Variants in UBASH3B observed in about 807,000 individuals in gnomAD.
UBASH3B encodes ubiquitin associated and SH3 domain containing B.
A neutral mutation model predicts 83.4 loss-of-function variants in UBASH3B; 37 were observed. The ratio of observed to expected loss-of-function variants is 0.44; its 90% CI spans 0.34 to 0.58. The LOEUF is 0.58. UBASH3B is among the 20% of genes least tolerant of loss of function. The pLI, the probability that UBASH3B is intolerant of heterozygous loss-of-function variation, is 0.01. For synonymous variants in UBASH3B, 304 were observed against 318.3 expected (o/e 0.96, Z 0.48); for missense variants, 657 against 827.2 (o/e 0.79, Z 2.52).
chr11:122,761,006 A>G (rs1277034385), intron 1 of UBASH3B, among the ~76,000 whole-genome samples: 1 of 152,234 alleles, frequency 6.6e-6, no homozygotes, highest in African/African-American at 2.4e-5. Context: ...AATGACCAGC[A>G]GGATGGGTTT....
At position 122,689,975 on chromosome 11, in the gene UBASH3B, A is replaced by T. The variant is rs76876529; in HGVS notation, c.161+33765A>T. Among the ~76,000 whole-genome samples the T allele has an allele frequency of 4.7e-3, 708 of 151,520 alleles. 7 individuals are homozygous for T. Among genetic ancestry groups the T allele is most frequent in the African/African-American group, 0.016 (663 of 41,382 alleles). On this transcript the variant is annotated intron_variant, in intron 1 of 13. Transcript: ENST00000284273. ...GACCCTCCGTGTGGGCAGCCCACCA[A>T]ACCCCGCCTTCTTGGGTTTTCTTGG...
At chr11:122,729,248 G>A (rs933790267) in intron 1 of UBASH3B, among the ~76,000 whole-genome samples, 1 of 152,130 alleles carries the variant, frequency 6.6e-6, no homozygotes, top group African/African-American at 2.4e-5. Context: ...TTTCTCCAGA[G>A]GCCAGAAAGC....
chr11:122,656,628 G>A (rs1436711345), intron 1 of UBASH3B, among the ~76,000 whole-genome samples: 2 of 152,202 alleles, frequency 1.3e-5, no homozygotes, highest in Non-Finnish European at 2.9e-5. Flanking sequence ...GCTGGTCTGG[G>A]ATCCTCCGGT....
At chr11:122,764,297 C>T (rs781121969) in intron 1 of UBASH3B, among the ~76,000 whole-genome samples, 7 of 152,198 alleles carry the variant, frequency 4.6e-5, no homozygotes, top group African/African-American at 1.7e-4. Flanking sequence ...CTATCACTTA[C>T]GGTTGTTTCT....
chr11:122,680,129 C>A (rs2135908255), intron 1 of UBASH3B, among the ~76,000 whole-genome samples: 1 of 152,322 alleles, frequency 6.6e-6, no homozygotes, highest in Middle Eastern at 3.4e-3. Context: ...CCATGCCCAA[C>A]CAATTATTTT....
At position 122,790,811 on chromosome 11, in the gene UBASH3B, C is replaced by T. The variant is rs1214008308; in HGVS notation, c.980+1503C>T. 4.6e-5 allele frequency among the ~76,000 whole-genome samples: 7 copies of T among 151,874 alleles called. No homozygotes were observed. The South Asian group carries it at 1.0e-3, about 23-fold the overall frequency. On this transcript the variant is annotated intron_variant, in intron 6 of 13. Transcript: ENST00000284273. ...AAAATAAAAAAAAAAATCAGCTGGG[C>T]GTGGTGGCATACACCTGTAGTCCCA...
At chr11:122,722,955 T>G (rs1276882413) in intron 1 of UBASH3B, among the ~76,000 whole-genome samples, 1 of 152,180 alleles carries the variant, frequency 6.6e-6, no homozygotes, top group Non-Finnish European at 1.5e-5. Context: ...TCCGCCCATC[T>G]CGGCCTCCCA....
In UBASH3B at chr11:122,690,374, A is replaced by C. The variant is rs1176329455; in HGVS notation, c.161+34164A>C. On this transcript the variant is annotated intron_variant, in intron 1 of 13. Coordinates refer to ENST00000284273, the MANE Select transcript of UBASH3B (RefSeq NM_032873.5). ...TAGAGTTCTTAGCACAGTGCCTTACATATAGTTAGCTCTCCATAAATGGTA... is the reference window on the plus strand; with the variant it reads ...TAGAGTTCTTAGCACAGTGCCTTACCTATAGTTAGCTCTCCATAAATGGTA... Among the ~76,000 whole-genome samples the C allele has an allele frequency of 2.0e-5, 3 of 150,538 alleles. No individual in the cohort carries two copies. The East Asian group carries it at 5.9e-4, about 29-fold the overall frequency.
intron 1 of UBASH3B, among the ~76,000 whole-genome samples, chr11:122,715,672 C>A (rs1349622927): frequency 6.6e-6 from 1 of 152,212 alleles, no homozygotes; most frequent in Non-Finnish European, 1.5e-5. Flanking sequence ...CACATAGACA[C>A]ACACCCCTTT....
intron 3 of UBASH3B, 63 bp downstream of exon 3, chr11:122,777,273 G>A: frequency 1.3e-6 from 2 of 1,521,444 alleles, no homozygotes; most frequent in South Asian, 2.6e-5. Context: ...GGCCCTTTGG[G>A]ACCTGGAGCA....
Position 122,656,082 on chromosome 11 carries a change from C to T in UBASH3B, c.33C>T (p.Gly11=). Residue 11 remains glycine (G), a synonymous_variant, in exon 1 of 14, where the codon GGC becomes GGT. Transcript: ENST00000284273. The part of the protein sequence containing the change: MAQYGHPSPL[G]MAAREELYSK... ...AGTACGGCCACCCCAGTCCGCTCGG[C>T]ATGGCTGCGAGAGAGGAGCTGTACA... The T allele has an allele frequency of 6.2e-7, 1 of 1,601,400 alleles. No individual in the cohort carries two copies. Among genetic ancestry groups the T allele is most frequent in the South Asian group, 1.1e-5 (1 of 89,056 alleles).
At chr11:122,700,579 C>T (rs1275289135) in intron 1 of UBASH3B, among the ~76,000 whole-genome samples, 2 of 146,306 alleles carry the variant, frequency 1.4e-5, no homozygotes, top group African/African-American at 5.0e-5. Flanking sequence ...TCACTGCAAC[C>T]TCCACCTCCC....
At chr11:122,677,297 T>A (rs1435151064) in intron 1 of UBASH3B, among the ~76,000 whole-genome samples, 2 of 152,088 alleles carry the variant, frequency 1.3e-5, no homozygotes, top group Non-Finnish European at 2.9e-5. Context: ...CTGAGGGAGG[T>A]CCTGGAATCA....
intron 1 of UBASH3B, among the ~76,000 whole-genome samples, chr11:122,667,631 C>T (rs1433866778): frequency 6.6e-6 from 1 of 152,118 alleles, no homozygotes; most frequent in Non-Finnish European, 1.5e-5. Flanking sequence ...ACCAATAAGA[C>T]AGGAGCAATA....
At chr11:122,661,878 A>T in intron 1 of UBASH3B, among the ~76,000 whole-genome samples, 1 of 150,322 alleles carries the variant, frequency 6.7e-6, no homozygotes. Context: ...AAAAAACAAA[A>T]AAAAAAATAC....
At chr11:122,723,916 C>T (rs1233330676) in intron 1 of UBASH3B, among the ~76,000 whole-genome samples, 1 of 152,166 alleles carries the variant, frequency 6.6e-6, no homozygotes, top group African/African-American at 2.4e-5. Flanking sequence ...GTAAAAGTAA[C>T]TTGAGAGCAG....
At position 122,794,438 on chromosome 11, in the gene UBASH3B, C is replaced by A. The variant is rs980736541; in HGVS notation, c.981-264C>A. On this transcript the variant is annotated intron_variant, in intron 6 of 13. Transcript: ENST00000284273. ...GCCAGGCTGGTCTCAAACTCCTGAC[C>A]TCAGGTGATCCGCCTGCCTCGGCGT... Among the ~76,000 whole-genome samples, 9 of 152,288 alleles carry A rather than the reference C, an allele frequency of 5.9e-5. No homozygotes were observed. The Middle Eastern group carries it at 0.01, about 173-fold the overall frequency.
At chr11:122,656,261 G>T in intron 1 of UBASH3B, 51 bp downstream of exon 1, 2 of 1,332,820 alleles carry the variant, frequency 1.5e-6, no homozygotes, top group Non-Finnish European at 1.9e-6. Flanking sequence ...GCGCGCGGCC[G>T]GCCCTCGGCT....
chr11:122,794,769 C>T lies in UBASH3B; in HGVS notation c.1048C>T (p.Arg350Trp), dbSNP rs1458210636. ...GTTTGGGGATGGAGTATTGGAGAGG[C>T]GGCCTTATGAGGACCAGGGGCTCGG... is the stretch of plus-strand genomic sequence containing the variant. Reference protein sequence around the residue: ...LTFGDGVLERRPYEDQGLGET... With the variant: ...LTFGDGVLERWPYEDQGLGET... Residue 350 changes from arginine (R) to tryptophan (W), a missense_variant, in exon 7 of 14, where the codon CGG becomes TGG. This residue lies in a region of UBASH3B where 573 missense variants were observed against 739.0 expected (regional missense o/e 0.78). Transcript: ENST00000284273. 8.7e-6 allele frequency: 14 copies of T among 1,613,966 alleles called. No individual in the cohort carries two copies. Among genetic ancestry groups the T allele is most frequent in the East Asian group, 2.2e-5 (1 of 44,896 alleles).
Sources: allele counts gnomAD v4.1 joint callset (sites outside exome capture counted in the v4.1 genomes callset), GRCh38; gene constraint gnomAD v4.1.1; regional missense constraint gnomAD v4.1.1; transcripts MANE v1.5; gene names NCBI Gene and HGNC (gene_info 2026-07-23, HGNC 2026-07-21).